The following FMNL2 variants were observed in gnomAD, a reference collection of about 807,000 sequenced individuals.
FMNL2 encodes the protein formin like 2, also known as formin-like protein 2.
In FMNL2, 51 loss-of-function variants were observed where a neutral mutation model predicts 130.2. That is an observed-to-expected ratio of 0.39 (90% CI 0.31 to 0.49). The LOEUF is 0.49. Ranked by LOEUF, FMNL2 falls within the 20% of genes least tolerant of loss-of-function variation. The probability of loss-of-function intolerance (pLI) is 0.85; values close to 1 mark genes in which losing one functional copy is unlikely to be tolerated. For missense variants in FMNL2, 977 were observed against 1,316.2 expected (o/e 0.74, Z 3.99); for synonymous variants, 465 against 467.1 (o/e 1.00, Z 0.06).
At chr2:152,358,929 C>T (rs571121748) in intron 1 of FMNL2, among the ~76,000 whole-genome samples, 1 of 152,118 alleles carries the variant, frequency 6.6e-6, no homozygotes, top group Non-Finnish European at 1.5e-5. Context: ...TGTTGAAGTG[C>T]TTTCTAAAGT....
intron 1 of FMNL2, among the ~76,000 whole-genome samples, chr2:152,419,572 A>G (rs1232478989): frequency 5.9e-5 from 9 of 152,218 alleles, no homozygotes; most frequent in East Asian, 3.8e-4. Flanking sequence ...GTCAAAGGGT[A>G]CCAAGCCTCA....
intron 7 of FMNL2, among the ~76,000 whole-genome samples, chr2:152,575,450 C>A (rs1225586666): frequency 6.6e-6 from 1 of 150,480 alleles, no homozygotes; most frequent in Non-Finnish European, 1.5e-5. Context: ...ACCAACCAAA[C>A]AAAAAAAAAA....
intron 1 of FMNL2, among the ~76,000 whole-genome samples, chr2:152,466,997 G>A (rs1689583162): frequency 6.6e-6 from 1 of 152,104 alleles, no homozygotes; most frequent in African/African-American, 2.4e-5. Flanking sequence ...GCCTCCTCCA[G>A]TCTGGGAAGC....
At chr2:152,592,862 A>G (rs1697513457) in intron 9 of FMNL2, among the ~76,000 whole-genome samples, 1 of 152,318 alleles carries the variant, frequency 6.6e-6, no homozygotes, top group Non-Finnish European at 1.5e-5. Context: ...ACATGTTCGT[A>G]TATTGTCCTC....
At chr2:152,590,980 C>CTTTTT (rs1158391663) in intron 9 of FMNL2, among the ~76,000 whole-genome samples, 36 of 65,784 alleles carry the variant, frequency 5.5e-4, no homozygotes, top group Non-Finnish European at 7.5e-4. Context: ...CCTCTGATAA[C>CTTTTT]TTTTTTTTTT....
chr2:152,523,163 A>T (rs1409952250), intron 2 of FMNL2, among the ~76,000 whole-genome samples: 2 of 152,236 alleles, frequency 1.3e-5, no homozygotes, highest in Non-Finnish European at 2.9e-5. Context: ...ATGTTAAAGA[A>T]ATTGATTTCC....
intron 2 of FMNL2, among the ~76,000 whole-genome samples, chr2:152,527,148 G>C (rs991380501): frequency 6.6e-6 from 1 of 152,134 alleles, no homozygotes; most frequent in Admixed American, 6.5e-5. Context: ...TTTCCTAGGG[G>C]TGCCTTAGCT....
At chr2:152,533,123 T>G (rs139673080) in intron 2 of FMNL2, among the ~76,000 whole-genome samples, 215 of 152,356 alleles carry the variant, frequency 1.4e-3, no homozygotes, top group African/African-American at 4.8e-3. Flanking sequence ...GCATTTTGTT[T>G]CCTAAGAAAT....
intron 25 of FMNL2, among the ~76,000 whole-genome samples, chr2:152,642,319 C>T (rs1051769017): frequency 6.6e-6 from 1 of 152,148 alleles, no homozygotes; most frequent in African/African-American, 2.4e-5. Context: ...TTTTTCTCAA[C>T]AGCTCAAACC....
chr2:152,615,279 G>GT (rs1462655972), intron 12 of FMNL2, among the ~76,000 whole-genome samples: 2 of 152,138 alleles, frequency 1.3e-5, no homozygotes, highest in Admixed American at 1.3e-4. Flanking sequence ...CTCAAGCAGA[G>GT]TGGGGGTGTT....
At chr2:152,491,982 T>C (rs1691232430) in intron 1 of FMNL2, among the ~76,000 whole-genome samples, 1 of 152,198 alleles carries the variant, frequency 6.6e-6, no homozygotes, top group Admixed American at 6.5e-5. Context: ...CTATATATTG[T>C]AAAATAGAGT....
intron 1 of FMNL2, among the ~76,000 whole-genome samples, chr2:152,351,174 C>T (rs1217024821): frequency 6.6e-6 from 1 of 152,174 alleles, no homozygotes; most frequent in Non-Finnish European, 1.5e-5. Context: ...AGTGAAACAA[C>T]CCTAGAAAGC....
intron 6 of FMNL2, among the ~76,000 whole-genome samples, chr2:152,572,054 A>T (rs1480788827): frequency 1.3e-5 from 2 of 151,976 alleles, no homozygotes; most frequent in Non-Finnish European, 2.9e-5. Context: ...AGGTAGTAAG[A>T]TTTTCAAAGC....
At chr2:152,543,852 A>T (rs1443638266) in intron 3 of FMNL2, among the ~76,000 whole-genome samples, 3 of 151,726 alleles carry the variant, frequency 2.0e-5, no homozygotes, top group Admixed American at 6.6e-5. Context: ...AGTAGTGATG[A>T]TGACAGTGTA....
intron 21 of FMNL2, among the ~76,000 whole-genome samples, chr2:152,635,505 C>CA (rs1190607977): frequency 1.3e-5 from 2 of 152,020 alleles, no homozygotes; most frequent in Non-Finnish European, 1.5e-5. Context: ...ACGTCATTAG[C>CA]AAAAAAAGTG....
At chr2:152,644,692 C>T (rs887190248) in intron 25 of FMNL2, among the ~76,000 whole-genome samples, 4 of 152,190 alleles carry the variant, frequency 2.6e-5, no homozygotes, top group African/African-American at 4.8e-5. Flanking sequence ...GCATCTTCAC[C>T]GGTAGCTCTG....
At chr2:152,443,137 C>G (rs145488350) in intron 1 of FMNL2, among the ~76,000 whole-genome samples, 1 of 152,052 alleles carries the variant, frequency 6.6e-6, no homozygotes, top group Non-Finnish European at 1.5e-5. Context: ...AGACGAGAAA[C>G]GAAGGAGGTG....
chr2:152,551,383 A>G (rs1250931618), intron 4 of FMNL2, among the ~76,000 whole-genome samples: 7 of 152,150 alleles, frequency 4.6e-5, no homozygotes, highest in Admixed American at 4.6e-4. Context: ...TCCCTTGCCC[A>G]CCATCTATGT....
At chr2:152,400,758 A>G (rs752449452) in intron 1 of FMNL2, among the ~76,000 whole-genome samples, 9 of 152,238 alleles carry the variant, frequency 5.9e-5, no homozygotes, top group Non-Finnish European at 1.2e-4. Context: ...CCTGCCCACT[A>G]TAGGCCACTG....
Sources: gnomAD v4.1 joint callset for allele counts (sites outside exome capture counted in the v4.1 genomes callset) on GRCh38, gnomAD v4.1.1 for gene constraint, MANE v1.5 for transcripts, NCBI Gene and HGNC (gene_info 2026-07-23, HGNC 2026-07-21) for gene names.